Variants in NUP210 observed in about 807,000 individuals in gnomAD.
The protein encoded by NUP210 is nucleoporin 210.
Under a neutral mutation model 196.0 loss-of-function variants are expected in NUP210, and 151 were observed. The observed-to-expected ratio is 0.77, with a 90% CI of 0.67 to 0.88. The LOEUF (loss-of-function observed/expected upper bound fraction) is 0.88. Ranked by LOEUF, NUP210 falls within the 40% of genes least tolerant of loss-of-function variation. The pLI is 0.00. For missense variants in NUP210, 2,314 were observed against 2,493.7 expected (o/e 0.93, Z 1.53); for synonymous variants, 1,070 against 1,052.7 (o/e 1.02, Z -0.32).
At chr3:13,318,703 T>C (rs1195502541) in intron 39 of NUP210, among the ~76,000 whole-genome samples, 1 of 152,132 alleles carries the variant, frequency 6.6e-6, no homozygotes, top group Non-Finnish European at 1.5e-5. Context: ...TTCTGGGAAA[T>C]TTCTCATCAG....
At position 13,342,721 on chromosome 3, in the gene NUP210, G is replaced by A. The variant is rs574434212; in HGVS notation, c.2964+454C>T. On this transcript the variant is annotated intron_variant, in intron 21 of 39. Transcript: ENST00000254508. Reference sequence around the variant, plus strand: ...GGAGTAATAAAAATTCTGTATCAGTGTGAAAGATAAACCGAGATCTATCCC... The same window carrying A: ...GGAGTAATAAAAATTCTGTATCAGTATGAAAGATAAACCGAGATCTATCCC... Among the ~76,000 whole-genome samples, 34 of 151,930 alleles carry A rather than the reference G, an allele frequency of 2.2e-4. No individual in the cohort carries two copies. In the East Asian group the frequency reaches 6.4e-3, roughly 29 times the overall value.
At chr3:13,409,982 G>GCA (rs1700113737) in intron 1 of NUP210, among the ~76,000 whole-genome samples, 1 of 150,678 alleles carries the variant, frequency 6.6e-6, no homozygotes, top group African/African-American at 2.4e-5. Flanking sequence ...GACTACAGGT[G>GCA]CACGCCACCT....
chr3:13,360,547 G>A, intron 14 of NUP210, 56 bp from the exon 15 acceptor site: 1 of 1,408,250 alleles, frequency 7.1e-7, no homozygotes, highest in Non-Finnish European at 9.7e-7. Flanking sequence ...ACGGGCAGGA[G>A]CCGGGCATCC....
chr3:13,372,018 C>T lies in NUP210; in HGVS notation c.1602G>A (p.Glu534=). The change falls in exon 13 of 40, where the codon GAG becomes GAA. Residue 534 remains glutamate (E), a synonymous_variant. Transcript: ENST00000254508. The stretch of plus-strand genomic sequence containing the variant: ...ACGGGGCAAACTCCATGCTGTGGGG[C>T]TCGATCACATACACCTGGAAGACAG... The part of the protein sequence containing the change: ...HFGEMKVYVI[E]PHSMEFAPCQ... The T allele has an allele frequency of 6.3e-7, 1 of 1,581,354 alleles. No individual in the cohort carries two copies. Among genetic ancestry groups the T allele is most frequent in the Non-Finnish European group, 8.6e-7 (1 of 1,162,500 alleles).
chr3:13,397,323 C>A lies in NUP210; in HGVS notation c.436+34G>T, dbSNP rs755322656. 192 of 1,599,734 alleles carry A rather than the reference C, an allele frequency of 1.2e-4. 1 individual carries two copies. Among genetic ancestry groups the A allele is most frequent in the Non-Finnish European group, 1.5e-4 (172 of 1,174,966 alleles). On this transcript the variant is annotated intron_variant, in intron 3 of 39. Coordinates refer to ENST00000254508, the MANE Select transcript of NUP210 (RefSeq NM_024923.4). ...TGGTGGGGGGATGATCTAGCATGGG[C>A]TGCAGAAGACAAACAGGCAGGGGAC...
chr3:13,325,272 C>A (rs1355924842), intron 33 of NUP210, among the ~76,000 whole-genome samples: 6 of 152,236 alleles, frequency 3.9e-5, no homozygotes, highest in Non-Finnish European at 7.3e-5. Context: ...AACTGCAGAG[C>A]CGCAGCACTA....
intron 3 of NUP210, among the ~76,000 whole-genome samples, chr3:13,396,111 C>T (rs1055186447): frequency 6.6e-6 from 1 of 152,088 alleles, no homozygotes; most frequent in Non-Finnish European, 1.5e-5. Context: ...AGTGGTTTGG[C>T]CCCCCAGGGA....
intron 13 of NUP210, among the ~76,000 whole-genome samples, chr3:13,366,516 C>CA (rs1698541262): frequency 8.1e-5 from 9 of 110,854 alleles, no homozygotes; most frequent in Non-Finnish European, 1.8e-5. Context: ...TGATTTCTTT[C>CA]TTTTTTTTTT....
chr3:13,352,837 C>A (rs1263187361), intron 18 of NUP210, among the ~76,000 whole-genome samples: 1 of 151,082 alleles, frequency 6.6e-6, no homozygotes, highest in Non-Finnish European at 1.5e-5. Flanking sequence ...TTGTGGGTGA[C>A]AAGGACAAGG....
intron 14 of NUP210, among the ~76,000 whole-genome samples, chr3:13,364,878 C>G (rs1698479497): frequency 6.6e-6 from 1 of 152,102 alleles, no homozygotes; most frequent in African/African-American, 2.4e-5. Context: ...CTAACATCAC[C>G]AGGCTTGCTT....
At chr3:13,346,290 G>T (rs1308849163) in intron 20 of NUP210, among the ~76,000 whole-genome samples, 2 of 152,198 alleles carry the variant, frequency 1.3e-5, no homozygotes, top group Non-Finnish European at 2.9e-5. Context: ...GCTAGCTGGT[G>T]GCAGAGTGAG....
At chr3:13,386,163 C>G in intron 6 of NUP210, 112 bp downstream of exon 6, 5 of 1,172,112 alleles carry the variant, frequency 4.3e-6, no homozygotes, top group Non-Finnish European at 6.0e-6. Context: ...TTGATGCTAC[C>G]TGATGGAGCA....
chr3:13,318,977 T>C lies in NUP210; in HGVS notation c.5563+95A>G, dbSNP rs1246384612. The C allele has an allele frequency of 3.2e-6, 4 of 1,238,186 alleles. No homozygotes were observed. In the Admixed American group the frequency reaches 1.1e-4, roughly 34 times the overall value. The allele number at this position is 1,238,186 out of a possible 1,614,324, so 76.7% of individuals were successfully genotyped here. On this transcript the variant is annotated intron_variant, in intron 39 of 39. Transcript: ENST00000254508. ...CTCCTTTGGCCCAGGCAAGGGCCTG[T>C]TGAGACTTAGGGTTCAGGAGCCTCG...
intron 12 of NUP210, among the ~76,000 whole-genome samples, chr3:13,373,425 A>G (rs1302231576): frequency 6.6e-6 from 1 of 152,186 alleles, no homozygotes; most frequent in Non-Finnish European, 1.5e-5. Flanking sequence ...AATGGAGATT[A>G]CTATCTTTCA....
intron 15 of NUP210, among the ~76,000 whole-genome samples, chr3:13,359,145 C>T (rs1207129230): frequency 1.3e-5 from 2 of 152,118 alleles, no homozygotes; most frequent in Admixed American, 6.5e-5. Flanking sequence ...CAGTGTCCTC[C>T]GTGACTCCAC....
intron 13 of NUP210, 68 bp from the exon 14 acceptor site, chr3:13,366,159 C>G: frequency 6.7e-7 from 1 of 1,491,188 alleles, no homozygotes; most frequent in South Asian, 1.2e-5. Flanking sequence ...GATGGAGTCT[C>G]GCTGTGTTGC....
intron 37 of NUP210, 144 bp downstream of exon 37, chr3:13,319,619 A>G (rs1003555486): frequency 1.3e-4 from 97 of 740,012 alleles, no homozygotes; most frequent in African/African-American, 9.4e-4. Flanking sequence ...CATGGCCCCA[A>G]TGAGCAGCGA....
At chr3:13,390,909 C>T (rs1363292068) in intron 4 of NUP210, among the ~76,000 whole-genome samples, 3 of 152,224 alleles carry the variant, frequency 2.0e-5, no homozygotes, top group Non-Finnish European at 2.9e-5. Context: ...CCTGGGGCCA[C>T]CCACACTTTC....
At chr3:13,417,416 A>G (rs1352778861) in intron 1 of NUP210, among the ~76,000 whole-genome samples, 1 of 152,238 alleles carries the variant, frequency 6.6e-6, no homozygotes, top group Non-Finnish European at 1.5e-5. Context: ...TGCAAATTCA[A>G]TGGATGTGCA....
Sources: gnomAD v4.1 joint callset for allele counts (sites outside exome capture counted in the v4.1 genomes callset) on GRCh38, gnomAD v4.1.1 for gene constraint, MANE v1.5 for transcripts, NCBI Gene and HGNC (gene_info 2026-07-23, HGNC 2026-07-21) for gene names.